The following MTRF1 variants were observed in gnomAD, a reference collection of about 807,000 sequenced individuals.
MTRF1 encodes mitochondrial translation release factor 1.
A neutral mutation model predicts 62.9 loss-of-function variants in MTRF1; 51 were observed. The ratio of observed to expected loss-of-function variants is 0.81; its 90% CI spans 0.65 to 1.02. MTRF1 has a LOEUF of 1.02. Among genes scored for constraint, MTRF1 ranks in the 50% least tolerant of loss-of-function variants. The pLI, the probability that MTRF1 is intolerant of heterozygous loss-of-function variation, is 0.00. For missense variants in MTRF1, 446 were observed against 530.0 expected, an observed-to-expected ratio of 0.84 and a Z score of 1.56; for synonymous variants, 158 against 181.9, an observed-to-expected ratio of 0.87 and a Z score of 1.06.
chr13:41,292,016 G>A, the MTRF1 span, among the ~76,000 whole-genome samples: 2 of 152,082 alleles, frequency 1.3e-5, no homozygotes, highest in African/African-American at 4.8e-5. Flanking sequence ...ATAATATAAG[G>A]AATCTCTGTT....
chr13:41,218,621 C>T (rs574839227), intron 9 of MTRF1, among the ~76,000 whole-genome samples: 5 of 152,242 alleles, frequency 3.3e-5, no homozygotes, highest in African/African-American at 1.2e-4. Flanking sequence ...AACAGAAATT[C>T]TGTGTAGTAA....
At chr13:41,290,127 C>T in the MTRF1 span, among the ~76,000 whole-genome samples, 132 of 118,708 alleles carry the variant, frequency 1.1e-3, no homozygotes, top group African/African-American at 4.2e-3. Flanking sequence ...GATGGAGTCT[C>T]GCTCTGTCTC....
chr13:41,293,903 G>T, the MTRF1 span, among the ~76,000 whole-genome samples: 1 of 152,022 alleles, frequency 6.6e-6, no homozygotes, highest in African/African-American at 2.4e-5. Context: ...ATTACAAAAT[G>T]ATTCTCATGA....
chr13:41,220,940 C>T (rs1011823539), intron 9 of MTRF1, among the ~76,000 whole-genome samples: 8 of 152,216 alleles, frequency 5.3e-5, no homozygotes, highest in Non-Finnish European at 1.0e-4. Context: ...GTCAGGATCA[C>T]GATCATGTAA....
chr13:41,254,454 A>G (rs2039465746), intron 3 of MTRF1, 75 bp downstream of exon 3: 1 of 1,011,898 alleles, frequency 9.9e-7, no homozygotes, highest in South Asian at 1.5e-5. Flanking sequence ...CACTATGAGC[A>G]CCGAAGCAGA....
the MTRF1 span, among the ~76,000 whole-genome samples, chr13:41,299,951 G>A: frequency 6.6e-6 from 1 of 152,172 alleles, no homozygotes; most frequent in South Asian, 2.1e-4. Flanking sequence ...ATTTAGGAAT[G>A]TGTGTAGCTC....
chr13:41,290,476 C>T, the MTRF1 span, among the ~76,000 whole-genome samples: 1 of 151,548 alleles, frequency 6.6e-6, no homozygotes, highest in African/African-American at 2.4e-5. Context: ...TCACTGCAAC[C>T]TCTGCTTCCT....
chr13:41,239,978 T>C (rs532338915), intron 6 of MTRF1, among the ~76,000 whole-genome samples: 2 of 152,170 alleles, frequency 1.3e-5, no homozygotes, highest in Admixed American at 6.5e-5. Context: ...CTGGCCAACA[T>C]GGTGAAAACC....
At chr13:41,252,430 T>C (rs1385908064) in intron 5 of MTRF1, 3 of 362,464 alleles carry the variant, frequency 8.3e-6, no homozygotes, top group Non-Finnish European at 1.5e-5. Context: ...CACATATTTC[T>C]CCCTAAGCAA....
the MTRF1 span, among the ~76,000 whole-genome samples, chr13:41,292,869 A>G: frequency 6.6e-6 from 1 of 152,102 alleles, no homozygotes; most frequent in African/African-American, 2.4e-5. Flanking sequence ...CAAGTAGTTC[A>G]GGGCTGCAGT....
chr13:41,282,607 A>C, the MTRF1 span, among the ~76,000 whole-genome samples: 1 of 152,230 alleles, frequency 6.6e-6, no homozygotes, highest in African/African-American at 2.4e-5. Context: ...TACCTTCCCT[A>C]CGTTGCTAGC....
intron 5 of MTRF1, among the ~76,000 whole-genome samples, chr13:41,248,515 T>C (rs1593919805): frequency 6.6e-6 from 1 of 152,226 alleles, no homozygotes; most frequent in East Asian, 1.9e-4. Flanking sequence ...CCTGCCACCC[T>C]GGGATCGAAT....
rs761057028 is a variant in MTRF1 at position 41,260,699 on chromosome 13, C to T, written c.209G>A (p.Trp70Ter). 2 of 1,614,080 alleles carry T rather than the reference C, an allele frequency of 1.2e-6. No individual in the cohort carries two copies. The highest frequency in any genetic ancestry group is 2.2e-5 in the South Asian group (2 of 91,074). ...RYCHQDTKML[W>*]KHKALQKYME... The stretch of plus-strand genomic sequence containing the variant: ...ATATTTCTGTAGTGCTTTATGCTTC[C>T]AGAGCATCTTGGTGTCTTGATGGCA... Residue 70 changes from tryptophan (W) to a stop codon, truncating the protein, a stop_gained, in exon 2 of 10, where the codon TGG becomes TAG. Transcript: ENST00000379480. LOFTEE classifies it high-confidence loss of function.
the MTRF1 span, among the ~76,000 whole-genome samples, chr13:41,272,402 T>C: frequency 1.3e-5 from 2 of 152,346 alleles, no homozygotes; most frequent in Middle Eastern, 3.4e-3. Context: ...ACCAAGTGCA[T>C]GATTTTTTGG....
intron 9 of MTRF1, among the ~76,000 whole-genome samples, chr13:41,219,024 C>A (rs2032577970): frequency 1.3e-5 from 2 of 152,200 alleles, no homozygotes. Context: ...GGAGCAGTGG[C>A]TCATGCCTGT....
intron 7 of MTRF1, among the ~76,000 whole-genome samples, chr13:41,233,373 A>T (rs1480741967): frequency 6.6e-6 from 1 of 152,238 alleles, no homozygotes; most frequent in African/African-American, 2.4e-5. Flanking sequence ...AAAACCATAT[A>T]CATGAAATGT....
Position 41,263,467 on chromosome 13 carries a change from G to A in MTRF1, c.-9+18C>T, listed in dbSNP as rs1433826709. The A allele has an allele frequency of 2.9e-6, 1 of 344,168 alleles. No individual in the cohort carries two copies. Among genetic ancestry groups the A allele is most frequent in the Non-Finnish European group, 5.8e-6 (1 of 172,724 alleles). The allele number at this position is 344,168 out of a possible 1,614,324, so 21.3% of individuals were successfully genotyped here. On this transcript the variant is annotated intron_variant, in intron 1 of 9. Coordinates refer to ENST00000379480, the MANE Select transcript of MTRF1 (RefSeq NM_004294.4). ...ATACAGGAGGCGGCGGGGAAGATCA[G>A]GAAAGAACTGTGAGTACCTAAGAAA...
chr13:41,274,315 C>G, the MTRF1 span, among the ~76,000 whole-genome samples: 1 of 152,120 alleles, frequency 6.6e-6, no homozygotes. Flanking sequence ...CCTCCAAGAT[C>G]CTCATGTTTC....
intron 7 of MTRF1, among the ~76,000 whole-genome samples, chr13:41,232,192 T>TA (rs199824061): frequency 2.6e-5 from 4 of 151,006 alleles, no homozygotes; most frequent in East Asian, 3.9e-4. Context: ...CCTTCAGTAA[T>TA]AAAAAAAAGA....
Sources: gnomAD v4.1 joint callset for allele counts (sites outside exome capture counted in the v4.1 genomes callset) on GRCh38, gnomAD v4.1.1 for gene constraint, MANE v1.5 for transcripts, NCBI Gene and HGNC (gene_info 2026-07-23, HGNC 2026-07-21) for gene names.